PARD3: variants seen among roughly 807,000 people sequenced by gnomAD.
PARD3 encodes par-3 family cell polarity regulator, also known as partitioning defective 3 homolog.
A neutral mutation model predicts 155.4 loss-of-function variants in PARD3; 75 were observed. That is an observed-to-expected ratio of 0.48 (90% confidence interval 0.40 to 0.58). The LOEUF (loss-of-function observed/expected upper bound fraction) is 0.58. Among genes scored for constraint, PARD3 ranks in the 20% least tolerant of loss-of-function variants. The pLI is 0.00. For missense variants in PARD3, 1,642 were observed against 1,721.7 expected (o/e 0.95, Z 0.82); for synonymous variants, 576 against 610.5 (o/e 0.94, Z 0.83).
intron 2 of PARD3, among the ~76,000 whole-genome samples, chr10:34,568,316 T>A (rs1179649729): frequency 1.3e-5 from 2 of 152,338 alleles, no homozygotes; most frequent in East Asian, 3.9e-4. Context: ...CAACAAGTCA[T>A]ACGGTGATGT....
rs778571154 is a variant in PARD3, at chr10:34,752,689, CA to C, written c.121-56271del. On this transcript the variant is annotated intron_variant, in intron 1 of 24. Coordinates refer to ENST00000374788, the MANE Select transcript of PARD3 (RefSeq NM_001184785.2). ...AGAATATCTTTGCAAAATATTCAAG[CA>C]AAATGCACTTGCAAAGTGCATGTTG... Among the ~76,000 whole-genome samples, 4 of 152,182 alleles carry C rather than the reference CA, an allele frequency of 2.6e-5. No individual in the cohort carries two copies. In the East Asian group the frequency reaches 7.7e-4, roughly 29 times the overall value.
chr10:34,580,494 C>T (rs956665933), intron 2 of PARD3, among the ~76,000 whole-genome samples: 1 of 152,164 alleles, frequency 6.6e-6, no homozygotes, highest in African/African-American at 2.4e-5. Context: ...ATAATCTCAC[C>T]ATTGCAGTCC....
Position 34,519,302 on chromosome 10 carries a change from T to C in PARD3, c.223-2143A>G, listed in dbSNP as rs560537410. Among the ~76,000 whole-genome samples the C allele has an allele frequency of 2.6e-4, 39 of 152,268 alleles. No homozygotes were observed. In the South Asian group the frequency reaches 4.6e-3, roughly 18 times the overall value. On this transcript the variant is annotated intron_variant, in intron 2 of 24. Coordinates refer to ENST00000374788, the MANE Select transcript of PARD3 (RefSeq NM_001184785.2). ...AGTGTGAGTTTCTTTCTTTTGATAA[T>C]TGTTCTATGATTATGTAAAATGTTA...
intron 22 of PARD3, among the ~76,000 whole-genome samples, chr10:34,171,130 T>A (rs1949767840): frequency 6.6e-6 from 1 of 152,336 alleles, no homozygotes; most frequent in African/African-American, 2.4e-5. Context: ...TTATACACAC[T>A]ATCCATCCAT....
At chr10:34,608,878 C>G (rs1009443372) in intron 2 of PARD3, among the ~76,000 whole-genome samples, 2 of 152,104 alleles carry the variant, frequency 1.3e-5, no homozygotes, top group South Asian at 4.2e-4. Flanking sequence ...ATTTACATAG[C>G]ATTTATATTG....
At chr10:34,313,155 T>C (rs940199234) in intron 20 of PARD3, among the ~76,000 whole-genome samples, 4 of 152,210 alleles carry the variant, frequency 2.6e-5, no homozygotes, top group Non-Finnish European at 4.4e-5. Flanking sequence ...AGAAATATCC[T>C]CCAGTATTAA....
At chr10:34,257,203 G>A (rs533767316) in intron 22 of PARD3, among the ~76,000 whole-genome samples, 1 of 152,176 alleles carries the variant, frequency 6.6e-6, no homozygotes, top group South Asian at 2.1e-4. Flanking sequence ...TTTAGGGCTC[G>A]ATAAAGTCTC....
chr10:34,399,409 T>C lies in PARD3; in HGVS notation c.811A>G (p.Met271Val). ...EHIPNFSLDD[M>V]VKLVEVPNDG... is the part of the protein sequence containing the mutation. ...TTGGGGACTTCTACGAGCTTTACCA[T>C]ATCACTGTGAGACAATGATGAATGA... The change falls in exon 7 of 25, where the codon ATG becomes GTG. Residue 271 changes from methionine to valine, a missense_variant. By Grantham distance (21) the Met-to-Val change is conservative. This residue lies in a region of PARD3 where 1,529 missense variants were observed against 1,587.3 expected (regional missense o/e 0.96). Coordinates refer to ENST00000374788, the MANE Select transcript of PARD3 (RefSeq NM_001184785.2). 8 of 1,604,044 alleles carry C rather than the reference T, an allele frequency of 5.0e-6. No homozygotes were observed. Among genetic ancestry groups the C allele is most frequent in the Non-Finnish European group, 6.8e-6 (8 of 1,170,932 alleles).
chr10:34,760,019 G>A (rs989780945), intron 1 of PARD3, among the ~76,000 whole-genome samples: 6 of 152,098 alleles, frequency 3.9e-5, no homozygotes, highest in Non-Finnish European at 4.4e-5. Context: ...AATGCCACTA[G>A]GTATATAGGT....
At chr10:34,306,948 G>A (rs1033235862) in intron 20 of PARD3, among the ~76,000 whole-genome samples, 3 of 151,688 alleles carry the variant, frequency 2.0e-5, no homozygotes, top group Admixed American at 6.6e-5. Flanking sequence ...GTGCAGTGAC[G>A]CCATCTTGGC....
chr10:34,307,825 A>C (rs1430452140), intron 20 of PARD3, among the ~76,000 whole-genome samples: 1 of 152,146 alleles, frequency 6.6e-6, no homozygotes. Flanking sequence ...GCAGGGGAAA[A>C]ATGGGTTAAC....
chr10:34,749,888 G>T (rs1255222915), intron 1 of PARD3, among the ~76,000 whole-genome samples: 1 of 152,082 alleles, frequency 6.6e-6, no homozygotes, highest in Admixed American at 6.5e-5. Context: ...TAGGTGTGGT[G>T]GTGTGCGCCT....
At chr10:34,593,986 G>A (rs1198190036) in intron 2 of PARD3, among the ~76,000 whole-genome samples, 1 of 152,118 alleles carries the variant, frequency 6.6e-6, no homozygotes, top group African/African-American at 2.4e-5. Context: ...AATGGGGCAT[G>A]GTTTTGCAAG....
rs1419661643 is a variant in PARD3, at chr10:34,610,625, A to G, written c.222+85693T>C. Among the ~76,000 whole-genome samples, 4 of 152,348 alleles carry G rather than the reference A, an allele frequency of 2.6e-5. No homozygotes were observed. The East Asian group carries it at 7.7e-4, about 29-fold the overall frequency. On this transcript the variant is annotated intron_variant, in intron 2 of 24. Transcript: ENST00000374788. ...ATCGTGGGTGAAATATGGAGTTCCT[A>G]GAATACGCTAGACAGATTAGGAGTT...
chr10:34,501,022 T>C (rs1229653513), intron 3 of PARD3, among the ~76,000 whole-genome samples: 1 of 152,180 alleles, frequency 6.6e-6, no homozygotes, highest in Admixed American at 6.5e-5. Context: ...TTACCACAGA[T>C]TTTTGTTTTT....
At chr10:34,267,191 G>T (rs559639025) in intron 22 of PARD3, among the ~76,000 whole-genome samples, 17 of 152,056 alleles carry the variant, frequency 1.1e-4, no homozygotes, top group African/African-American at 4.1e-4. Flanking sequence ...CTTTCTCCCA[G>T]GAAAACAATT....
intron 22 of PARD3, among the ~76,000 whole-genome samples, chr10:34,247,124 A>G (rs1440777209): frequency 6.6e-6 from 1 of 152,226 alleles, no homozygotes; most frequent in Non-Finnish European, 1.5e-5. Flanking sequence ...TACAAAATGT[A>G]TAATGTCTGA....
chr10:34,401,766 G>C, intron 6 of PARD3, 60 bp downstream of exon 6: 1 of 1,024,230 alleles, frequency 9.8e-7, no homozygotes, highest in Non-Finnish European at 1.6e-6. Context: ...CAGAATACTT[G>C]CTGCAATTAA....
intron 20 of PARD3, among the ~76,000 whole-genome samples, chr10:34,307,899 G>T (rs2134066042): frequency 6.6e-6 from 1 of 152,320 alleles, no homozygotes; most frequent in African/African-American, 2.4e-5. Context: ...GCTCAGGTAG[G>T]AGTGCAAATG....
Sources: allele counts gnomAD v4.1 joint callset (sites outside exome capture counted in the v4.1 genomes callset), GRCh38; gene constraint gnomAD v4.1.1; regional missense constraint gnomAD v4.1.1; transcripts MANE v1.5; gene names NCBI Gene and HGNC (gene_info 2026-07-23, HGNC 2026-07-21).